Variants in PHACTR4 observed in about 807,000 individuals in gnomAD.
PHACTR4 encodes the protein protein phosphatase 1, regulatory subunit 124.
PHACTR4 carries 51 observed loss-of-function variants against 72.7 expected under a neutral mutation model. The ratio of observed to expected loss-of-function variants is 0.70; its 90% CI spans 0.56 to 0.89. PHACTR4 has a LOEUF of 0.89. Ranked by LOEUF, PHACTR4 falls within the 40% of genes least tolerant of loss-of-function variation. The pLI, the probability that PHACTR4 is intolerant of heterozygous loss-of-function variation, is 0.00. For missense variants in PHACTR4, 731 were observed against 861.8 expected (o/e 0.85, Z 1.90); for synonymous variants, 255 against 302.5 (o/e 0.84, Z 1.63).
chr1:28,430,114 C>T (rs936060291), intron 2 of PHACTR4, among the ~76,000 whole-genome samples: 1 of 152,040 alleles, frequency 6.6e-6, no homozygotes, highest in Non-Finnish European at 1.5e-5. Flanking sequence ...GCTCCGTCTC[C>T]CGGGTTCACG....
intron 2 of PHACTR4, among the ~76,000 whole-genome samples, chr1:28,452,656 C>T (rs1452535941): frequency 1.3e-5 from 2 of 149,888 alleles, no homozygotes; most frequent in African/African-American, 2.5e-5. Context: ...ATTAGCTGGG[C>T]GTGGTGGTAC....
At chr1:28,479,981 G>GT (rs1477459757) in intron 8 of PHACTR4, among the ~76,000 whole-genome samples, 1 of 152,340 alleles carries the variant, frequency 6.6e-6, no homozygotes, top group East Asian at 1.9e-4. Flanking sequence ...TAAAAGTGAT[G>GT]TTTTCCCTTT....
chr1:28,438,196 G>A (rs2124399872), intron 2 of PHACTR4: 14 of 1,322,738 alleles, frequency 1.1e-5, no homozygotes, highest in Non-Finnish European at 1.4e-5. Flanking sequence ...TGTAAGAACT[G>A]CAAGTGCTCA....
chr1:28,393,220 A>G (rs761139950), intron 1 of PHACTR4, among the ~76,000 whole-genome samples: 7 of 152,220 alleles, frequency 4.6e-5, no homozygotes, highest in Admixed American at 1.3e-4. Flanking sequence ...GAATTTTACT[A>G]ACAATCTTTT....
intron 1 of PHACTR4, among the ~76,000 whole-genome samples, chr1:28,375,786 T>G (rs570750005): frequency 6.6e-6 from 1 of 152,010 alleles, no homozygotes; most frequent in South Asian, 2.1e-4. Context: ...ACTTTCACAA[T>G]CGGCCAGGCG....
chr1:28,457,725 A>G, intron 2 of PHACTR4: 1 of 604,490 alleles, frequency 1.7e-6, no homozygotes, highest in Non-Finnish European at 2.1e-6. Flanking sequence ...TACAGTCAAC[A>G]TGTTAGCTTA....
intron 1 of PHACTR4, among the ~76,000 whole-genome samples, chr1:28,389,680 G>A (rs1652848884): frequency 6.6e-6 from 1 of 152,104 alleles, no homozygotes; most frequent in African/African-American, 2.4e-5. Context: ...GTTTCACTGT[G>A]TTGGCCAAGA....
At chr1:28,387,122 G>A (rs753401672) in intron 1 of PHACTR4, among the ~76,000 whole-genome samples, 1 of 151,946 alleles carries the variant, frequency 6.6e-6, no homozygotes, top group Non-Finnish European at 1.5e-5. Flanking sequence ...TTAGCTGGGC[G>A]TGGTGGCACG....
intron 2 of PHACTR4, among the ~76,000 whole-genome samples, chr1:28,446,549 G>A (rs1048494819): frequency 6.6e-6 from 1 of 152,180 alleles, no homozygotes; most frequent in Non-Finnish European, 1.5e-5. Context: ...GGGAGGCCGA[G>A]GCAGGTGGAT....
intron 2 of PHACTR4, among the ~76,000 whole-genome samples, chr1:28,431,197 A>ATATG (rs1656241849): frequency 9.2e-6 from 1 of 109,276 alleles, no homozygotes; most frequent in African/African-American, 4.9e-5. Flanking sequence ...AAAAACCAAA[A>ATATG]TATATATATA....
chr1:28,439,985 T>C (rs927280232), intron 2 of PHACTR4, among the ~76,000 whole-genome samples: 9 of 152,160 alleles, frequency 5.9e-5, no homozygotes, highest in African/African-American at 2.2e-4. Flanking sequence ...AATGCCCATC[T>C]AAGATCTATA....
In PHACTR4 at chr1:28,496,633, C is replaced by T; in HGVS notation, c.*84C>T. Reference sequence around the variant, plus strand: ...ACATATGGAGGGAACTTTAGCACTTCCCAGCACAGCCAGAATTGCATCCTC... The same window carrying T: ...ACATATGGAGGGAACTTTAGCACTTTCCAGCACAGCCAGAATTGCATCCTC... On this transcript the variant is annotated 3_prime_UTR_variant, in exon 14 of 14. Transcript: ENST00000373839. The T allele has an allele frequency of 6.8e-7, 1 of 1,475,948 alleles. No individual in the cohort carries two copies. The highest frequency in any genetic ancestry group is 1.1e-5 in the South Asian group (1 of 88,314). 91.4% of individuals were successfully genotyped at this position (1,475,948 alleles called of 1,614,324 possible).
At chr1:28,370,518 G>T (rs1651155891) in intron 1 of PHACTR4, among the ~76,000 whole-genome samples, 1 of 150,854 alleles carries the variant, frequency 6.6e-6, no homozygotes, top group Admixed American at 6.6e-5. Context: ...GTGATCGGTG[G>T]ACCAAAGAAC....
chr1:28,385,112 G>C (rs921602755), intron 1 of PHACTR4, among the ~76,000 whole-genome samples: 31 of 152,172 alleles, frequency 2.0e-4, no homozygotes, highest in African/African-American at 7.5e-4. Flanking sequence ...GTAACTTTTT[G>C]ATGTGGATAC....
intron 2 of PHACTR4, among the ~76,000 whole-genome samples, chr1:28,444,259 C>T (rs1168836735): frequency 2.0e-5 from 2 of 99,770 alleles, no homozygotes; most frequent in African/African-American, 3.8e-5. Flanking sequence ...CAGAGTCTTG[C>T]TCTGTCGCCA....
At chr1:28,469,490 A>G (rs1264686356) in intron 6 of PHACTR4, among the ~76,000 whole-genome samples, 1 of 152,238 alleles carries the variant, frequency 6.6e-6, no homozygotes, top group Non-Finnish European at 1.5e-5. Flanking sequence ...TGCTGTTGTC[A>G]GGGTATATAT....
chr1:28,403,372 C>T (rs1016684571), intron 1 of PHACTR4, among the ~76,000 whole-genome samples: 3 of 152,200 alleles, frequency 2.0e-5, no homozygotes, highest in African/African-American at 7.2e-5. Context: ...TGGATGTGGA[C>T]CCCTGAGAAG....
intron 2 of PHACTR4, among the ~76,000 whole-genome samples, chr1:28,445,003 C>T (rs189701370): frequency 5.1e-4 from 75 of 148,442 alleles, no homozygotes; most frequent in Non-Finnish European, 6.0e-5. Flanking sequence ...GTTGCCCAGG[C>T]GGAGTGCAGT....
intron 2 of PHACTR4, among the ~76,000 whole-genome samples, chr1:28,409,845 CT>C (rs1449873010): frequency 6.6e-6 from 1 of 151,834 alleles, no homozygotes; most frequent in East Asian, 1.9e-4. Flanking sequence ...TCTTTCCCCC[CT>C]GAAGAGTAGT....
Sources: allele counts gnomAD v4.1 joint callset (sites outside exome capture counted in the v4.1 genomes callset), GRCh38; gene constraint gnomAD v4.1.1; transcripts MANE v1.5; gene names NCBI Gene and HGNC (gene_info 2026-07-23, HGNC 2026-07-21).